Variants in BNC2 observed in about 807,000 individuals in gnomAD.
BNC2 encodes the protein zinc finger protein basonuclin-2.
A neutral mutation model predicts 76.3 loss-of-function variants in BNC2; 20 were observed. The ratio of observed to expected loss-of-function variants is 0.26; its 90% CI spans 0.18 to 0.38. The LOEUF is 0.38. BNC2 is among the 10% of genes least tolerant of loss of function. The pLI is 1.00. For synonymous variants in BNC2, 582 were observed against 514.8 expected, an observed-to-expected ratio of 1.13 and a Z score of -1.77; for missense variants, 1,382 against 1,399.8, an observed-to-expected ratio of 0.99 and a Z score of 0.20.
chr9:16,541,825 A>G (rs1452313618), intron 5 of BNC2, among the ~76,000 whole-genome samples: 2 of 152,134 alleles, frequency 1.3e-5, no homozygotes, highest in African/African-American at 4.8e-5. Flanking sequence ...ACCATAAACC[A>G]ATATTGTCAC....
intron 3 of BNC2, among the ~76,000 whole-genome samples, chr9:16,662,638 A>C (rs1822142729): frequency 6.6e-6 from 1 of 152,184 alleles, no homozygotes; most frequent in Admixed American, 6.5e-5. Context: ...CAGGAGGCTG[A>C]GGCAGGAGAA....
chr9:16,821,956 G>T (rs995561052), intron 1 of BNC2, among the ~76,000 whole-genome samples: 1 of 151,930 alleles, frequency 6.6e-6, no homozygotes, highest in African/African-American at 2.4e-5. Context: ...AGCCAGGTGC[G>T]GTGGCGGGCG....
chr9:16,805,029 T>C (rs1044134776), intron 1 of BNC2, among the ~76,000 whole-genome samples: 35 of 152,024 alleles, frequency 2.3e-4, no homozygotes, highest in African/African-American at 8.4e-4. Context: ...GCCATTGCAC[T>C]CCAGCCTGGG....
rs570687350 is a variant in BNC2, at chr9:16,513,416, C to A, written c.669+39114G>T. Among the ~76,000 whole-genome samples the A allele has an allele frequency of 3.0e-4, 45 of 149,830 alleles. 1 individual carries two copies. The highest frequency in any genetic ancestry group is 2.7e-3 in the Admixed American group (40 of 14,908). On this transcript the variant is annotated intron_variant, in intron 5 of 6. Coordinates refer to ENST00000380672, the MANE Select transcript of BNC2 (RefSeq NM_017637.6). ...CTGCCTCCTGGGTTCACACCATTCT[C>A]CTGCCTCAGCCTCCCGAGTAGCTGG...
chr9:16,865,590 T>C (rs1331823894), intron 1 of BNC2, among the ~76,000 whole-genome samples: 1 of 152,190 alleles, frequency 6.6e-6, no homozygotes. Context: ...GGGAAGGTTG[T>C]ATTCCTTAGG....
At chr9:16,766,339 C>T (rs1825693386) in intron 1 of BNC2, among the ~76,000 whole-genome samples, 1 of 152,128 alleles carries the variant, frequency 6.6e-6, no homozygotes, top group Non-Finnish European at 1.5e-5. Flanking sequence ...AATCCTCATT[C>T]TGCAGCTCTG....
At chr9:16,433,039 T>A (rs1820937242) in intron 6 of BNC2, among the ~76,000 whole-genome samples, 1 of 152,194 alleles carries the variant, frequency 6.6e-6, no homozygotes, top group Non-Finnish European at 1.5e-5. Flanking sequence ...AATACAATTA[T>A]GTTTCACAGT....
chr9:16,821,650 T>C (rs900929095), intron 1 of BNC2, among the ~76,000 whole-genome samples: 2 of 152,028 alleles, frequency 1.3e-5, no homozygotes, highest in African/African-American at 4.8e-5. Flanking sequence ...AAGAGTATTA[T>C]AATTAAGAAG....
intron 3 of BNC2, among the ~76,000 whole-genome samples, chr9:16,594,717 T>A (rs1289283574): frequency 1.3e-5 from 2 of 152,070 alleles, no homozygotes; most frequent in South Asian, 4.1e-4. Flanking sequence ...ATCATCAAAA[T>A]CCCTAAAATT....
chr9:16,661,689 T>G (rs1415133690), intron 3 of BNC2, among the ~76,000 whole-genome samples: 1 of 152,210 alleles, frequency 6.6e-6, no homozygotes, highest in Non-Finnish European at 1.5e-5. Flanking sequence ...AGACTACATG[T>G]GTTGTGTGTG....
At chr9:16,514,101 G>C (rs985384556) in intron 5 of BNC2, among the ~76,000 whole-genome samples, 4 of 152,110 alleles carry the variant, frequency 2.6e-5, no homozygotes, top group African/African-American at 9.7e-5. Flanking sequence ...GTGGAAATCT[G>C]AACCACCAAA....
chr9:16,431,749 G>C (rs901078172), intron 6 of BNC2, among the ~76,000 whole-genome samples: 7 of 152,184 alleles, frequency 4.6e-5, no homozygotes, highest in African/African-American at 1.7e-4. Flanking sequence ...ATGTGAGTAG[G>C]GGGTATAGTT....
At chr9:16,577,463 C>G (rs1234813453) in intron 4 of BNC2, among the ~76,000 whole-genome samples, 1 of 151,912 alleles carries the variant, frequency 6.6e-6, no homozygotes, top group Non-Finnish European at 1.5e-5. Context: ...ACTAAATTAA[C>G]TTTATACTTC....
At chr9:16,841,363 G>A (rs1342183209) in intron 1 of BNC2, among the ~76,000 whole-genome samples, 4 of 152,130 alleles carry the variant, frequency 2.6e-5, no homozygotes, top group East Asian at 3.9e-4. Flanking sequence ...TCAGGACTCC[G>A]ACGCTTTCTA....
chr9:16,665,728 C>T (rs1340434626), intron 3 of BNC2, among the ~76,000 whole-genome samples: 1 of 152,090 alleles, frequency 6.6e-6, no homozygotes, highest in Non-Finnish European at 1.5e-5. Flanking sequence ...TGAAACCAAG[C>T]CCTGGAACTG....
intron 1 of BNC2, among the ~76,000 whole-genome samples, chr9:16,852,052 C>T (rs574156538): frequency 5.3e-5 from 8 of 152,320 alleles, no homozygotes; most frequent in Admixed American, 1.3e-4. Context: ...AGATTTTACA[C>T]TCTCACCCGC....
intron 3 of BNC2, among the ~76,000 whole-genome samples, chr9:16,672,957 C>A (rs548599836): frequency 1.1e-4 from 16 of 152,154 alleles, no homozygotes; most frequent in Admixed American, 1.0e-3. Flanking sequence ...GGGTAAACAA[C>A]ACGAAGCAAA....
intron 2 of BNC2, among the ~76,000 whole-genome samples, chr9:16,734,300 T>C (rs1465375112): frequency 6.6e-6 from 1 of 152,220 alleles, no homozygotes; most frequent in Non-Finnish European, 1.5e-5. Context: ...CTATATTCTA[T>C]TGCTTATTCT....
intron 5 of BNC2, among the ~76,000 whole-genome samples, chr9:16,470,649 G>A (rs1821802862): frequency 6.6e-6 from 1 of 152,224 alleles, no homozygotes; most frequent in African/African-American, 2.4e-5. Context: ...TACAGCTTGG[G>A]CTGTGGCTTC....
Sources: gnomAD v4.1 joint callset for allele counts (sites outside exome capture counted in the v4.1 genomes callset) on GRCh38, gnomAD v4.1.1 for gene constraint, MANE v1.5 for transcripts, NCBI Gene and HGNC (gene_info 2026-07-23, HGNC 2026-07-21) for gene names.